Variants in UAP1L1 observed in about 807,000 individuals in gnomAD.
The protein encoded by UAP1L1 is UDP-N-acetylhexosamine pyrophosphorylase-like protein 1.
Under a neutral mutation model 45.3 loss-of-function variants are expected in UAP1L1, and 45 were observed. The ratio of observed to expected loss-of-function variants is 0.99; its 90% CI spans 0.78 to 1.27. The LOEUF (loss-of-function observed/expected upper bound fraction) is 1.27. Among genes scored for constraint, UAP1L1 ranks in the 50% most tolerant of loss-of-function variants. UAP1L1 has a pLI of 0.00. For synonymous variants in UAP1L1, 323 were observed against 303.9 expected (o/e 1.06, Z -0.65); for missense variants, 667 against 694.0 (o/e 0.96, Z 0.44).
chr9:137,078,359 GC>G (rs1415576586), intron 2 of UAP1L1, 105 bp downstream of exon 2: 2 of 1,559,620 alleles, frequency 1.3e-6, no homozygotes, highest in East Asian at 2.3e-5. Context: ...CCGGGACATT[GC>G]CCAGAACCGG....
intron 7 of UAP1L1, among the ~76,000 whole-genome samples, chr9:137,081,759 C>T (rs1054319023): frequency 6.6e-6 from 1 of 152,174 alleles, no homozygotes; most frequent in Non-Finnish European, 1.5e-5. Flanking sequence ...CTAAATCTAG[C>T]TGCCTAGGCT....
intron 5 of UAP1L1, 59 bp from the exon 6 acceptor site, chr9:137,079,943 C>G: frequency 6.3e-7 from 1 of 1,598,198 alleles, no homozygotes; most frequent in Non-Finnish European, 8.5e-7. Context: ...GGGACAGAGC[C>G]CCCAGCGGTG....
At chr9:137,081,848 T>G in intron 7 of UAP1L1, 150 bp from the exon 8 acceptor site, 1 of 781,612 alleles carries the variant, frequency 1.3e-6, no homozygotes, top group Non-Finnish European at 2.2e-6. Flanking sequence ...TGCTCAGGGT[T>G]TGGGGTGTCC....
At position 137,083,087 on chromosome 9, in the gene UAP1L1, G is replaced by GGT; in HGVS notation, c.*362_*363dup. The GGT allele has an allele frequency of 3.7e-6, 1 of 271,932 alleles. No individual in the cohort carries two copies. Among genetic ancestry groups the GGT allele is most frequent in the South Asian group, 4.8e-5 (1 of 21,034 alleles). 16.8% of individuals were successfully genotyped at this position (271,932 alleles called of 1,614,324 possible). A position where few individuals can be genotyped will look rare whatever the true frequency, so the allele number is the denominator to read the frequency against. ...AGGCTTCGGGTTGGGGCCCAAGGGA[G>GGT]GTGTGGTGTCATCTGGGGAGAACAG... On this transcript the variant is annotated 3_prime_UTR_variant, in exon 9 of 9. Transcript: ENST00000409858.
At chr9:137,081,731 G>C (rs1832790414) in intron 7 of UAP1L1, among the ~76,000 whole-genome samples, 1 of 152,160 alleles carries the variant, frequency 6.6e-6, no homozygotes, top group Admixed American at 6.5e-5. Context: ...CCATCTCCCT[G>C]ATTTTCTAGG....
At chr9:137,078,364 G>C (rs1391162582) in intron 2 of UAP1L1, 110 bp downstream of exon 2, 1 of 1,565,914 alleles carries the variant, frequency 6.4e-7, no homozygotes, top group East Asian at 2.3e-5. Flanking sequence ...ACATTGCCCA[G>C]AACCGGCCCA....
chr9:137,082,040 G>A lies in UAP1L1; in HGVS notation c.1407G>A (p.Ser469=), dbSNP rs142994027. The A allele has an allele frequency of 6.4e-4, 1,040 of 1,614,048 alleles. 8 individuals are homozygous for A. In the African/African-American group the frequency reaches 9.4e-3, roughly 15 times the overall value. ...NGDPPAICEI[S]PLVSYSGEGL... The stretch of plus-strand genomic sequence containing the variant: ...ACCCTCCGGCCATCTGTGAGATATC[G>A]CCCTTGGTGTCTTACTCTGGAGAGG... The change falls in exon 8 of 9, where the codon TCG becomes TCA. Residue 469 remains serine (S), a synonymous_variant. Transcript: ENST00000409858. The surrounding 1 kb of genome is among the most constrained non-coding windows in gnomAD (Gnocchi z 5.7).
At position 137,077,973 on chromosome 9, in the gene UAP1L1, A is replaced by G. The variant is rs1339443279; in HGVS notation, c.290-77A>G. 1.0e-5 allele frequency: 16 copies of G among 1,532,690 alleles called. 1 individual carries two copies. In the South Asian group the frequency reaches 1.2e-4, roughly 11 times the overall value. The allele number at this position is 1,532,690 out of a possible 1,614,324, so 94.9% of individuals were successfully genotyped here. Reference sequence around the variant, plus strand: ...TCCGGCCCCCGAGTCCTGGCGCCCCAGCCCCAGAGTTGGTTTCCCCTAAAG... The same window carrying G: ...TCCGGCCCCCGAGTCCTGGCGCCCCGGCCCCAGAGTTGGTTTCCCCTAAAG... On this transcript the variant is annotated intron_variant, in intron 1 of 8. Transcript: ENST00000409858. The surrounding 1 kb of genome is among the most constrained non-coding windows in gnomAD (Gnocchi z 4.7).
At chr9:137,079,188 G>T (rs753195176) in intron 4 of UAP1L1, 40 bp downstream of exon 4, 2 of 1,592,692 alleles carry the variant, frequency 1.3e-6, no homozygotes, top group African/African-American at 2.7e-5. Context: ...CCCGAGGCTG[G>T]CCCCGCCCCT....
rs760000443 is a variant in UAP1L1 at position 137,077,674 on chromosome 9, G to C, written c.142G>C (p.Glu48Gln). Residue 48 changes from glutamate to glutamine, a missense_variant, in exon 1 of 9, where the codon GAG becomes CAG. Transcript: ENST00000409858. This position sits in a 1 kb window ranked among gnomAD's most constrained non-coding sequence, Gnocchi z 4.7. ...LALLEPEALR[E>Q]HCRRAAEACA... The stretch of plus-strand genomic sequence containing the variant: ...GCTGCTGGAGCCCGAGGCGCTGCGC[G>C]AGCACTGCCGGCGGGCGGCGGAGGC... 30 of 1,195,186 alleles carry C rather than the reference G, an allele frequency of 2.5e-5. No homozygotes were observed. Among genetic ancestry groups the C allele is most frequent in the Admixed American group, 4.5e-5 (1 of 22,192 alleles). 74.0% of individuals were successfully genotyped at this position (1,195,186 alleles called of 1,614,324 possible).
At position 137,078,091 on chromosome 9, in the gene UAP1L1, C is replaced by T; in HGVS notation, c.331C>T (p.Leu111=). The change falls in exon 2 of 9, where the codon CTG becomes TTG. Residue 111 remains leucine, a synonymous_variant. Coordinates refer to ENST00000409858, the MANE Select transcript of UAP1L1 (RefSeq NM_207309.3). ...TCTGAACAAGGTGGCCGTCCTGCTG[C>T]TGGCTGGGGGGCAGGGCACTCGCCT... ...ISLNKVAVLL[L]AGGQGTRLGV... is the part of the protein sequence containing the mutation. 6.5e-7 allele frequency: 1 copy of T among 1,550,272 alleles called. No individual in the cohort carries two copies. Among genetic ancestry groups the T allele is most frequent in the Non-Finnish European group, 8.7e-7 (1 of 1,146,904 alleles).
rs1044869536 is a variant in UAP1L1 at position 137,082,184 on chromosome 9, G to C, written c.1431+120G>C. On this transcript the variant is annotated intron_variant, in intron 8 of 8. Transcript: ENST00000409858. This position sits in a 1 kb window ranked among gnomAD's most constrained non-coding sequence, Gnocchi z 5.7. Reference sequence around the variant, plus strand: ...TCTACCTCGGTTAACCAATGGGGTCGGTGGTTTAAATTTGCAGAAGACTTT... The same window carrying C: ...TCTACCTCGGTTAACCAATGGGGTCCGTGGTTTAAATTTGCAGAAGACTTT... The C allele has an allele frequency of 2.0e-6, 2 of 1,015,260 alleles. No homozygotes were observed. Among genetic ancestry groups the C allele is most frequent in the African/African-American group, 3.2e-5 (2 of 63,058 alleles). The allele number at this position is 1,015,260 out of a possible 1,614,324, so 62.9% of individuals were successfully genotyped here.
In UAP1L1 at chr9:137,082,623, C is replaced by T. The variant is rs771783044; in HGVS notation, c.1432-14C>T. On this transcript the variant is annotated splice_polypyrimidine_tract_variant and intron_variant, in intron 8 of 8. Transcript: ENST00000409858. This position sits in a 1 kb window ranked among gnomAD's most constrained non-coding sequence, Gnocchi z 5.7. ...AAGGTGGGTACTTGGCCATTGTCCC[C>T]TGCTCGTCTCCAGGGTTTAGAAGTG... is the stretch of plus-strand genomic sequence containing the variant. The T allele has an allele frequency of 1.3e-6, 2 of 1,550,714 alleles. No individual in the cohort carries two copies. The highest frequency in any genetic ancestry group is 2.4e-5 in the South Asian group (2 of 84,040).
chr9:137,080,455 C>G, intron 6 of UAP1L1: 1 of 601,484 alleles, frequency 1.7e-6, no homozygotes, highest in South Asian at 2.1e-5. Flanking sequence ...GCCTTTGGCC[C>G]TCACTGCAGG....
Position 137,080,661 on chromosome 9 carries a change from C to T in UAP1L1, c.1179-28C>T, listed in dbSNP as rs73668387. 0.015 allele frequency: 24,350 copies of T among 1,588,534 alleles called. 2,651 individuals are homozygous for T. In the African/African-American group the frequency reaches 0.26, roughly 17 times the overall value. On this transcript the variant is annotated intron_variant, in intron 6 of 8. Transcript: ENST00000409858. ...CCGGATCAGGGCCTCTGTGCTGGGACGTGGGTGACTAGCCCTTTCCCCACC... is the reference window on the plus strand; with the variant it reads ...CCGGATCAGGGCCTCTGTGCTGGGATGTGGGTGACTAGCCCTTTCCCCACC...
Position 137,078,066 on chromosome 9 carries a change from T to G in UAP1L1, c.306T>G (p.Ser102=). ...RWEEEGFRQI[S]LNKVAVLLLA... Reference sequence around the variant, plus strand: ...TACCCCCAGGTTTCCGTCAGATTTCTCTGAACAAGGTGGCCGTCCTGCTGC... The same window carrying G: ...TACCCCCAGGTTTCCGTCAGATTTCGCTGAACAAGGTGGCCGTCCTGCTGC... Residue 102 remains serine, a synonymous_variant, in exon 2 of 9, where the codon TCT becomes TCG. Coordinates refer to ENST00000409858, the MANE Select transcript of UAP1L1 (RefSeq NM_207309.3). 6.5e-7 allele frequency: 1 copy of G among 1,549,738 alleles called. No homozygotes were observed. The highest frequency in any genetic ancestry group is 8.7e-7 in the Non-Finnish European group (1 of 1,146,884).
At chr9:137,081,337 G>C (rs1365389688) in intron 7 of UAP1L1, among the ~76,000 whole-genome samples, 1 of 151,518 alleles carries the variant, frequency 6.6e-6, no homozygotes, top group African/African-American at 2.4e-5. Context: ...GAGTAGCTGG[G>C]ACTACAGGCG....
rs1832802455 is a variant in UAP1L1, at chr9:137,082,380, C to T, written c.1432-257C>T. On this transcript the variant is annotated intron_variant, in intron 8 of 8. Transcript: ENST00000409858. This position sits in a 1 kb window ranked among gnomAD's most constrained non-coding sequence, Gnocchi z 5.7. The stretch of plus-strand genomic sequence containing the variant: ...CTGCTACCTCCCTGACCTCGGCTGC[C>T]CTTGCCCCTTTCTCTGGTCAGGTCA... 3.4e-6 allele frequency: 2 copies of T among 595,080 alleles called. No homozygotes were observed. Among genetic ancestry groups the T allele is most frequent in the Non-Finnish European group, 6.0e-6 (2 of 334,898 alleles). The allele number at this position is 595,080 out of a possible 1,614,324, so 36.9% of individuals were successfully genotyped here.
Position 137,082,852 on chromosome 9 carries a change from C to T in UAP1L1, c.*123C>T, listed in dbSNP as rs1361015040. On this transcript the variant is annotated 3_prime_UTR_variant, in exon 9 of 9. Coordinates refer to ENST00000409858, the MANE Select transcript of UAP1L1 (RefSeq NM_207309.3). The surrounding 1 kb of genome is among the most constrained non-coding windows in gnomAD (Gnocchi z 5.7). ...GCTGGGGGCTACAGCCCAGCCTGAG[C>T]TCTGGGTGGGAAAGCAGCCTGCCCC... 5.3e-6 allele frequency: 4 copies of T among 753,370 alleles called. No individual in the cohort carries two copies. The highest frequency in any genetic ancestry group is 6.5e-6 in the Non-Finnish European group (3 of 460,080). The allele number at this position is 753,370 out of a possible 1,614,324, so 46.7% of individuals were successfully genotyped here.
Sources: allele counts gnomAD v4.1 joint callset (sites outside exome capture counted in the v4.1 genomes callset), GRCh38; gene constraint gnomAD v4.1.1; non-coding constraint Gnocchi (gnomAD v3.1); transcripts MANE v1.5; gene names NCBI Gene and HGNC (gene_info 2026-07-23, HGNC 2026-07-21).